Variants in SCARF1 observed in about 807,000 individuals in gnomAD.
The protein encoded by SCARF1 is scavenger receptor class F member 1.
A neutral mutation model predicts 76.3 loss-of-function variants in SCARF1; 49 were observed. The ratio of observed to expected loss-of-function variants is 0.64; its 90% confidence interval spans 0.51 to 0.81. The LOEUF is 0.81. SCARF1 is among the 40% of genes least tolerant of loss of function. The probability of loss-of-function intolerance (pLI) is 0.00; values close to 1 mark genes in which losing one functional copy is unlikely to be tolerated. For missense variants in SCARF1, 1,098 were observed against 1,143.9 expected (o/e 0.96, Z 0.58); for synonymous variants, 495 against 474.6 (o/e 1.04, Z -0.56).
Position 1,639,623 on chromosome 17 carries a change from C to G in SCARF1, c.1243+16G>C, listed in dbSNP as rs1240936767. 1.3e-6 allele frequency: 2 copies of G among 1,547,908 alleles called. No homozygotes were observed. Among genetic ancestry groups the G allele is most frequent in the Non-Finnish European group, 1.8e-6 (2 of 1,142,512 alleles). ...TTTCCCTGGCTACTGCACCCCGCAG[C>G]CTTCTTCCACCTTACCTGGCTGGCA... is the stretch of plus-strand genomic sequence containing the variant. On this transcript the variant is annotated intron_variant, in intron 7 of 10. Coordinates refer to ENST00000263071, the MANE Select transcript of SCARF1 (RefSeq NM_003693.4).
intron 7 of SCARF1, 103 bp downstream of exon 7, chr17:1,639,536 C>A: frequency 8.7e-6 from 6 of 688,786 alleles, no homozygotes; most frequent in Non-Finnish European, 1.0e-5. Context: ...AAGAATATCT[C>A]TGAAGTGGGC....
At chr17:1,639,017 T>G in intron 7 of SCARF1, 91 bp from the exon 8 acceptor site, 1 of 1,327,428 alleles carries the variant, frequency 7.5e-7, no homozygotes, top group Non-Finnish European at 1.0e-6. Context: ...CAGAAGCTTC[T>G]TCCTGGGGGT....
intron 4 of SCARF1, among the ~76,000 whole-genome samples, chr17:1,641,655 GAGA>G (rs1165922966): frequency 1.3e-5 from 2 of 152,294 alleles, no homozygotes; most frequent in East Asian, 3.9e-4. Context: ...ATTAGTAGGG[GAGA>G]AGAAGGGCAG....
Position 1,643,525 on chromosome 17 carries a change from C to A in SCARF1, c.708G>T (p.Glu236Asp). Residue 236 changes from glutamate to aspartate, a missense_variant, in exon 4 of 11, where the codon GAG becomes GAT. Coordinates refer to ENST00000263071, the MANE Select transcript of SCARF1 (RefSeq NM_003693.4). Reference protein sequence around the residue: ...VRGRCSAASGECTCPPGFRGA... With the variant: ...VRGRCSAASGDCTCPPGFRGA... ...CGCGGAAGCCGGGCGGGCAGGTGCA[C>A]TCGCCGGAGGCGGCGCTGCAGCGGC... 7.2e-7 allele frequency: 1 copy of A among 1,394,522 alleles called. No homozygotes were observed. The highest frequency in any genetic ancestry group is 3.1e-5 in the East Asian group (1 of 32,178). 86.4% of individuals were successfully genotyped at this position (1,394,522 alleles called of 1,614,324 possible). A position where few individuals can be genotyped will look rare whatever the true frequency, so the allele number is the denominator to read the frequency against.
chr17:1,639,043 G>A (rs924393472), intron 7 of SCARF1, 117 bp from the exon 8 acceptor site: 85 of 1,133,676 alleles, frequency 7.5e-5, no homozygotes, highest in Non-Finnish European at 9.7e-5. Context: ...CCTGCCTCCG[G>A]GCAGCCCCTC....
chr17:1,644,117 C>T lies in SCARF1; in HGVS notation c.266-150G>A. On this transcript the variant is annotated intron_variant, in intron 3 of 10. Coordinates refer to ENST00000263071, the MANE Select transcript of SCARF1 (RefSeq NM_003693.4). The surrounding 1 kb of genome is among the most constrained non-coding windows in gnomAD (Gnocchi z 4.8). ...AGAACATCCGGCAGCCTGTCCTGGGCAACACTCACTTCCTGCTCCGCTCTG... is the reference window on the plus strand; with the variant it reads ...AGAACATCCGGCAGCCTGTCCTGGGTAACACTCACTTCCTGCTCCGCTCTG... The T allele has an allele frequency of 1.8e-6, 1 of 550,512 alleles. No homozygotes were observed. The allele number at this position is 550,512 out of a possible 1,614,324, so 34.1% of individuals were successfully genotyped here. A position where few individuals can be genotyped will look rare whatever the true frequency, so the allele number is the denominator to read the frequency against.
In SCARF1 at chr17:1,635,419, C is replaced by T; in HGVS notation, c.1832G>A (p.Ser611Asn). ...GAGCCTCTTGGGCTTTCGGAGCGGG[C>T]TGGAGAGCTCCCCTGAGCTTCGGCG... Reference protein sequence around the residue: ...QSRRSSGELSSPLRKPKRLSR... With the variant: ...QSRRSSGELSNPLRKPKRLSR... Residue 611 changes from serine to asparagine, a missense_variant, in exon 11 of 11, where the codon AGC (serine) becomes AAC (asparagine). Coordinates refer to ENST00000263071, the MANE Select transcript of SCARF1 (RefSeq NM_003693.4). 1 of 1,614,032 alleles carries T rather than the reference C, an allele frequency of 6.2e-7. No individual in the cohort carries two copies. The highest frequency in any genetic ancestry group is 2.2e-5 in the East Asian group (1 of 44,884).
Position 1,640,347 on chromosome 17 carries a change from T to G in SCARF1, c.1010+101A>C. ...CAGGAGGGAGGCCCCTGGGGCCGCA[T>G]GAACCTGTGTGTCGGGGAGGGTGGT... On this transcript the variant is annotated intron_variant, in intron 5 of 10. Coordinates refer to ENST00000263071, the MANE Select transcript of SCARF1 (RefSeq NM_003693.4). The surrounding 1 kb of genome is among the most constrained non-coding windows in gnomAD (Gnocchi z 4.7). 2 of 1,143,842 alleles carry G rather than the reference T, an allele frequency of 1.7e-6. No individual in the cohort carries two copies. Among genetic ancestry groups the G allele is most frequent in the Non-Finnish European group, 2.5e-6 (2 of 802,494 alleles). 70.9% of individuals were successfully genotyped at this position (1,143,842 alleles called of 1,614,324 possible).
rs1425027438 is a variant in SCARF1 at position 1,643,478 on chromosome 17, C to T, written c.755G>A (p.Cys252Tyr). Residue 252 changes from cysteine to tyrosine, a missense_variant, in exon 4 of 11, where the codon TGC (cysteine) becomes TAC (tyrosine). By Grantham distance (194) the Cys-to-Tyr change is radical. Transcript: ENST00000263071. Reference sequence around the variant, plus strand: ...CTGCACCCCGTGGCTGCCTGCCGGGCAGGGCAGCTCGCAGCGCGCTCCGCG... The same window carrying T: ...CTGCACCCCGTGGCTGCCTGCCGGGTAGGGCAGCTCGCAGCGCGCTCCGCG... ...GFRGARCELP[C>Y]PAGSHGVQCA... is the part of the protein sequence containing the mutation. 3 of 1,316,634 alleles carry T rather than the reference C, an allele frequency of 2.3e-6. No individual in the cohort carries two copies. The highest frequency in any genetic ancestry group is 1.9e-6 in the Non-Finnish European group (2 of 1,040,262). The allele number at this position is 1,316,634 out of a possible 1,614,324, so 81.6% of individuals were successfully genotyped here.
Position 1,638,917 on chromosome 17 carries a change from C to T in SCARF1, c.1253G>A (p.Ser418Asn), listed in dbSNP as rs1210316006. The change falls in exon 8 of 11, where the codon AGT becomes AAT. Residue 418 changes from serine to asparagine, a missense_variant. Physicochemically the swap from Ser to Asn is conservative, Grantham distance 46. Coordinates refer to ENST00000263071, the MANE Select transcript of SCARF1 (RefSeq NM_003693.4). ...GCCCGCGATGAGGGCAGTGTCCCGA[C>T]TGCCAGAGCCTGGGGGAGCCAGAAA... ...VSGSCQPGSGSRDTALIAGSL... is the reference protein window; with the variant it reads ...VSGSCQPGSGNRDTALIAGSL... 6.3e-7 allele frequency: 1 copy of T among 1,592,414 alleles called. No individual in the cohort carries two copies. The highest frequency in any genetic ancestry group is 8.6e-7 in the Non-Finnish European group (1 of 1,166,652).
chr17:1,634,626 G>A lies in SCARF1; in HGVS notation c.*132C>T. Reference sequence around the variant, plus strand: ...GCACTGCCAGGGGCCTGGGCCAACTGGCCTGGAAGCCTTGCCTTTTCCCTG... The same window carrying A: ...GCACTGCCAGGGGCCTGGGCCAACTAGCCTGGAAGCCTTGCCTTTTCCCTG... On this transcript the variant is annotated 3_prime_UTR_variant, in exon 11 of 11. Coordinates refer to ENST00000263071, the MANE Select transcript of SCARF1 (RefSeq NM_003693.4). 1 of 1,323,962 alleles carries A rather than the reference G, an allele frequency of 7.6e-7. No individual in the cohort carries two copies. The highest frequency in any genetic ancestry group is 2.0e-4 in the Middle Eastern group (1 of 5,122). The allele number at this position is 1,323,962 out of a possible 1,614,324, so 82.0% of individuals were successfully genotyped here.
rs1411828804 is a variant in SCARF1 at position 1,635,528 on chromosome 17, C to G, written c.1723G>C (p.Ala575Pro). 2 of 1,613,606 alleles carry G rather than the reference C, an allele frequency of 1.2e-6. No homozygotes were observed. The highest frequency in any genetic ancestry group is 2.2e-5 in the South Asian group (2 of 91,078). Residue 575 changes from alanine (A) to proline (P), a missense_variant, in exon 11 of 11, where the codon GCC becomes CCC. Physicochemically the swap from Ala to Pro is conservative, Grantham distance 27. Transcript: ENST00000263071. ...PPPEDASTPF[A>P]IPRTSSLARA... The stretch of plus-strand genomic sequence containing the variant: ...GCTAGGCTGGAGGTGCGCGGGATGG[C>G]GAATGGCGTGGAGGCGTCCTCAGGG...
At position 1,635,292 on chromosome 17, in the gene SCARF1, G is replaced by T; in HGVS notation, c.1959C>A (p.Pro653=). 1 of 1,612,002 alleles carries T rather than the reference G, an allele frequency of 6.2e-7. No individual in the cohort carries two copies. Residue 653 remains proline (P), a synonymous_variant, in exon 11 of 11, where the codon CCC becomes CCA. Transcript: ENST00000263071. Reference sequence around the variant, plus strand: ...GCCGGTGGCCAGTGGCTGAATCCCCGGGACTGGCAGCCGCCGGAAAGGACT... The same window carrying T: ...GCCGGTGGCCAGTGGCTGAATCCCCTGGACTGGCAGCCGCCGGAAAGGACT... ...APESFPAAAS[P]GDSATGHRRP...
Position 1,634,845 on chromosome 17 carries a change from C to G in SCARF1, c.2406G>C (p.Gln802His), listed in dbSNP as rs1481444267. The change falls in exon 11 of 11, where the codon CAG (glutamine) becomes CAC (histidine). Residue 802 changes from glutamine (Q) to histidine (H), a missense_variant. Physicochemically the swap from Gln to His is conservative, Grantham distance 24. Coordinates refer to ENST00000263071, the MANE Select transcript of SCARF1 (RefSeq NM_003693.4). ...CCTCTTCAGCCTGCTTCTGGGGATC[C>G]TGTTCTGGGGAGCCACAGCCAGAGA... Reference protein sequence around the residue: ...EPVSGCGSPEQDPQKQAEEER... With the variant: ...EPVSGCGSPEHDPQKQAEEER... 2 of 1,614,018 alleles carry G rather than the reference C, an allele frequency of 1.2e-6. No homozygotes were observed. The highest frequency in any genetic ancestry group is 1.7e-5 in the Admixed American group (1 of 60,008).
At chr17:1,636,118 C>T (rs1330367644) in intron 10 of SCARF1, among the ~76,000 whole-genome samples, 1 of 152,178 alleles carries the variant, frequency 6.6e-6, no homozygotes, top group African/African-American at 2.4e-5. Context: ...CTGCTAGACT[C>T]GACTGGGATG....
intron 8 of SCARF1, among the ~76,000 whole-genome samples, chr17:1,637,734 AGT>A (rs1909703175): frequency 6.6e-6 from 1 of 152,022 alleles, no homozygotes; most frequent in Non-Finnish European, 1.5e-5. Flanking sequence ...GGCCTCCCAA[AGT>A]GCTGGGATTA....
chr17:1,642,129 A>T (rs1567665476), intron 4 of SCARF1, among the ~76,000 whole-genome samples: 2 of 151,028 alleles, frequency 1.3e-5, no homozygotes, highest in African/African-American at 2.4e-5. Context: ...CTTATTTATT[A>T]TTTTTTTTGT....
chr17:1,638,730 C>CCCTCACCTCTG (rs1909790645), intron 8 of SCARF1, 76 bp downstream of exon 8: 1 of 1,453,016 alleles, frequency 6.9e-7, no homozygotes, highest in East Asian at 2.5e-5. Context: ...CTCCCCACCC[C>CCCTCACCTCTG]ACAAGGAAAC....
rs950505096 is a variant in SCARF1, at chr17:1,643,536, C to T, written c.697G>A (p.Ala233Thr). The T allele has an allele frequency of 1.1e-5, 15 of 1,407,916 alleles. No individual in the cohort carries two copies. Among genetic ancestry groups the T allele is most frequent in the African/African-American group, 1.5e-5 (1 of 66,502 alleles). 87.2% of individuals were successfully genotyped at this position (1,407,916 alleles called of 1,614,324 possible). The change falls in exon 4 of 11, where the codon GCC becomes ACC. Residue 233 changes from alanine (A) to threonine (T), a missense_variant. Coordinates refer to ENST00000263071, the MANE Select transcript of SCARF1 (RefSeq NM_003693.4). The part of the protein sequence containing the change: ...CECVRGRCSA[A>T]SGECTCPPGF... ...GGCGGGCAGGTGCACTCGCCGGAGG[C>T]GGCGCTGCAGCGGCCCCGCACACAC...
Sources: gnomAD v4.1 joint callset for allele counts (sites outside exome capture counted in the v4.1 genomes callset) on GRCh38, gnomAD v4.1.1 for gene constraint, Gnocchi (gnomAD v3.1) non-coding constraint, MANE v1.5 for transcripts, NCBI Gene and HGNC (gene_info 2026-07-23, HGNC 2026-07-21) for gene names.